Variants in LRFN5 observed in about 807,000 individuals in gnomAD.
The protein encoded by LRFN5 is leucine-rich repeat and fibronectin type-III domain-containing protein 5.
A neutral mutation model predicts 45.6 loss-of-function variants in LRFN5; 24 were observed. The observed-to-expected ratio is 0.53, with a 90% CI of 0.38 to 0.74. The LOEUF is 0.74. LRFN5 is among the 30% of genes least tolerant of loss of function. LRFN5 has a pLI of 0.00. For missense variants in LRFN5, 776 were observed against 861.5 expected (o/e 0.90, Z 1.24); for synonymous variants, 340 against 313.8 (o/e 1.08, Z -0.88).
At chr14:41,835,938 A>G (rs1449744066) in intron 2 of LRFN5, among the ~76,000 whole-genome samples, 2 of 151,788 alleles carry the variant, frequency 1.3e-5, no homozygotes, top group South Asian at 2.1e-4. Context: ...TTTTTTAAAA[A>G]AAAAAAACCT....
At chr14:41,884,658 AC>A (rs1163949595) in intron 2 of LRFN5, among the ~76,000 whole-genome samples, 1 of 152,140 alleles carries the variant, frequency 6.6e-6, no homozygotes, top group Non-Finnish European at 1.5e-5. Context: ...ATAGCATTTA[AC>A]ACCCTCCCCT....
At chr14:41,805,390 TTTTATTTATTTATTTA>T (rs60289355) in intron 2 of LRFN5, among the ~76,000 whole-genome samples, 1 of 146,132 alleles carries the variant, frequency 6.8e-6, no homozygotes, top group Non-Finnish European at 1.5e-5. Flanking sequence ...ATAAGTTTTA[TTTTATTTATTTATTTA>T]TTTATTTATT....
intron 1 of LRFN5, among the ~76,000 whole-genome samples, chr14:41,634,181 G>T (rs991153507): frequency 6.6e-6 from 1 of 152,092 alleles, no homozygotes; most frequent in Non-Finnish European, 1.5e-5. Context: ...CTGAGTTTGT[G>T]AAGGGTATGC....
chr14:41,707,749 T>C (rs553708926), intron 1 of LRFN5, among the ~76,000 whole-genome samples: 242 of 152,186 alleles, frequency 1.6e-3, no homozygotes, highest in Middle Eastern at 0.014. Flanking sequence ...TAAAGTTTTA[T>C]TGGAACTTAC....
At chr14:41,823,777 A>G (rs918157499) in intron 2 of LRFN5, among the ~76,000 whole-genome samples, 1 of 152,162 alleles carries the variant, frequency 6.6e-6, no homozygotes, top group African/African-American at 2.4e-5. Flanking sequence ...CAGACATTTT[A>G]CTTTTTCTTC....
chr14:41,741,516 T>C lies in LRFN5; in HGVS notation c.-196-25338T>C, dbSNP rs1477175747. Among the ~76,000 whole-genome samples, 8 of 151,890 alleles carry C rather than the reference T, an allele frequency of 5.3e-5. No homozygotes were observed. In the East Asian group the frequency reaches 1.4e-3, roughly 26 times the overall value. On this transcript the variant is annotated intron_variant, in intron 1 of 5. Transcript: ENST00000298119. ...ACATTCAGAAGCATGAAATTGGATC[T>C]TTCTGACACACCATATATGAGAATT...
chr14:41,814,301 T>A (rs1024886665), intron 2 of LRFN5, among the ~76,000 whole-genome samples: 1 of 152,170 alleles, frequency 6.6e-6, no homozygotes, highest in Non-Finnish European at 1.5e-5. Flanking sequence ...TCTAATCCTT[T>A]CTTATTATGA....
chr14:41,696,788 C>A (rs996994886), intron 1 of LRFN5, among the ~76,000 whole-genome samples: 1 of 151,860 alleles, frequency 6.6e-6, no homozygotes, highest in South Asian at 2.1e-4. Context: ...GACGTCTCAT[C>A]GTGGCTTCAG....
chr14:41,811,828 A>G (rs1000259264), intron 2 of LRFN5, among the ~76,000 whole-genome samples: 1 of 152,102 alleles, frequency 6.6e-6, no homozygotes, highest in Non-Finnish European at 1.5e-5. Context: ...TGGCGTGATG[A>G]AAATGTTCAA....
chr14:41,823,627 G>A (rs1019522869), intron 2 of LRFN5, among the ~76,000 whole-genome samples: 1 of 152,208 alleles, frequency 6.6e-6, no homozygotes, highest in East Asian at 1.9e-4. Context: ...CCTTGGTGAA[G>A]TTTGTCTTGC....
At chr14:41,750,745 C>A (rs2138842067) in intron 1 of LRFN5, among the ~76,000 whole-genome samples, 1 of 152,102 alleles carries the variant, frequency 6.6e-6, no homozygotes, top group South Asian at 2.1e-4. Flanking sequence ...AACTTAAAAT[C>A]CTGGAGTAAG....
rs564759847 is a variant in LRFN5 at position 41,668,694 on chromosome 14, T to C, written c.-197+60132T>C. Among the ~76,000 whole-genome samples, 4 of 152,302 alleles carry C rather than the reference T, an allele frequency of 2.6e-5. No individual in the cohort carries two copies. In the East Asian group the frequency reaches 5.8e-4, roughly 22 times the overall value. On this transcript the variant is annotated intron_variant, in intron 1 of 5. Transcript: ENST00000298119. Reference sequence around the variant, plus strand: ...CTTATGTGAGAATACATTTTCTTTATGTAATTCCCCATCTGTATTAGAATT... The same window carrying C: ...CTTATGTGAGAATACATTTTCTTTACGTAATTCCCCATCTGTATTAGAATT...
intron 2 of LRFN5, among the ~76,000 whole-genome samples, chr14:41,880,213 C>T (rs1021707753): frequency 6.6e-6 from 1 of 151,948 alleles, no homozygotes; most frequent in Non-Finnish European, 1.5e-5. Context: ...AGGTGTGAGC[C>T]ACCGCGCCCG....
chr14:41,784,259 A>G (rs1199251061), intron 2 of LRFN5, among the ~76,000 whole-genome samples: 2 of 152,056 alleles, frequency 1.3e-5, no homozygotes, highest in African/African-American at 4.8e-5. Flanking sequence ...ATTTTGTTAC[A>G]TTTGTATCTA....
At chr14:41,837,079 C>A (rs1437260653) in intron 2 of LRFN5, among the ~76,000 whole-genome samples, 1 of 150,782 alleles carries the variant, frequency 6.6e-6, no homozygotes, top group East Asian at 2.0e-4. Flanking sequence ...AAGCCAGAAC[C>A]TCTAGAGAAT....
intron 1 of LRFN5, among the ~76,000 whole-genome samples, chr14:41,675,088 G>A (rs1463599092): frequency 2.0e-5 from 3 of 151,740 alleles, no homozygotes; most frequent in South Asian, 2.1e-4. Flanking sequence ...ATGGGATGGC[G>A]GCGGGGCAGA....
chr14:41,711,824 C>T (rs1883295784), intron 1 of LRFN5, among the ~76,000 whole-genome samples: 2 of 152,136 alleles, frequency 1.3e-5, no homozygotes, highest in South Asian at 4.1e-4. Flanking sequence ...TTAGACTCTC[C>T]ATGTTCTTAG....
chr14:41,731,280 C>T (rs961053854), intron 1 of LRFN5: 13 of 152,026 alleles, frequency 8.6e-5, no homozygotes, highest in African/African-American at 2.2e-4. Context: ...TTTTCACATA[C>T]AGTATCTGAA....
At chr14:41,779,213 C>T (rs1382513090) in intron 2 of LRFN5, among the ~76,000 whole-genome samples, 1 of 151,732 alleles carries the variant, frequency 6.6e-6, no homozygotes, top group Non-Finnish European at 1.5e-5. Flanking sequence ...GAAAAGATAT[C>T]AGATTTTGTC....
Sources: gnomAD v4.1 joint callset for allele counts (sites outside exome capture counted in the v4.1 genomes callset) on GRCh38, gnomAD v4.1.1 for gene constraint, MANE v1.5 for transcripts, NCBI Gene and HGNC (gene_info 2026-07-23, HGNC 2026-07-21) for gene names.